MYH7B: variants seen among roughly 807,000 people sequenced by gnomAD.
The protein encoded by MYH7B is myosin heavy chain 7B.
A neutral mutation model predicts 234.5 loss-of-function variants in MYH7B; 205 were observed. That is an observed-to-expected ratio of 0.87 (90% confidence interval 0.78 to 0.98). The LOEUF (loss-of-function observed/expected upper bound fraction) is 0.98, where lower values mean the gene tolerates loss of function less well. Among genes scored for constraint, MYH7B ranks in the 50% least tolerant of loss-of-function variants. MYH7B has a pLI of 0.00. For missense variants in MYH7B, 2,652 were observed against 2,633.4 expected (o/e 1.01, Z -0.15); for synonymous variants, 1,193 against 1,105.0 (o/e 1.08, Z -1.58).
At chr20:34,977,426 G>A (rs1021335644) in intron 3 of MYH7B, among the ~76,000 whole-genome samples, 11 of 151,868 alleles carry the variant, frequency 7.2e-5, no homozygotes, top group Non-Finnish European at 2.9e-5. Flanking sequence ...CCCTGTCCCC[G>A]TCAGTCTCTG....
chr20:34,996,122 G>A (rs77354522), intron 28 of MYH7B, among the ~76,000 whole-genome samples: 145 of 152,362 alleles, frequency 9.5e-4, no homozygotes, highest in Non-Finnish European at 1.8e-3. Context: ...TTTCTCACCA[G>A]GCCAGGTGTG....
intron 3 of MYH7B, among the ~76,000 whole-genome samples, chr20:34,975,853 C>T (rs1301143481): frequency 6.6e-6 from 1 of 152,130 alleles, no homozygotes; most frequent in Non-Finnish European, 1.5e-5. Flanking sequence ...GTAGCTGGGA[C>T]TACAGGCGCC....
chr20:34,994,152 G>T, exon 27 of MYH7B: 1 of 1,612,460 alleles, frequency 6.2e-7, no homozygotes, highest in South Asian at 1.1e-5. Context: ...CTAGGGATGC[G>T]CTGTTCACCA....
chr20:34,998,821 C>T lies in MYH7B; in HGVS notation c.4096C>T (p.Arg1366Trp), dbSNP rs746131334. 32 of 1,613,040 alleles carry T rather than the reference C, an allele frequency of 2.0e-5. No individual in the cohort carries two copies. Among genetic ancestry groups the T allele is most frequent in the Admixed American group, 5.0e-5 (3 of 60,004 alleles). The change falls in exon 35 of 45, where the codon CGG (arginine) becomes TGG (tryptophan). Residue 1366 changes from arginine to tryptophan, a missense_variant. Physicochemically the swap from Arg to Trp is moderately radical, Grantham distance 101 (BLOSUM62 -3). This residue lies in a region of MYH7B where 2,279 missense variants were observed against 2,211.4 expected (regional missense o/e 1.03). Coordinates refer to ENST00000262873, the Ensembl canonical transcript of MYH7B. The stretch of plus-strand genomic sequence containing the variant: ...GGCTGAGGCCCAGGCTGAGCTGCAG[C>T]GGCTGCTGTCCAAGGCCAATGCCGA...
rs989299313 is a variant in MYH7B, at chr20:34,994,279, C to T, written c.2578C>T (p.Arg860Trp). The change falls in exon 27 of 45, where the codon CGG becomes TGG. Residue 860 changes from arginine to tryptophan, a missense_variant. By Grantham distance (101) the Arg-to-Trp change is moderately radical. Transcript: ENST00000262873. ...GGCTGAGGAGGAGCTGGCGGCCCTGCGGGCAGAGCTGCGGGGGTTGCGAGG... is the reference window on the plus strand; with the variant it reads ...GGCTGAGGAGGAGCTGGCGGCCCTGTGGGCAGAGCTGCGGGGGTTGCGAGG... The T allele has an allele frequency of 8.1e-6, 13 of 1,612,662 alleles. No homozygotes were observed. The highest frequency in any genetic ancestry group is 4.5e-5 in the East Asian group (2 of 44,874).
At chr20:34,999,964 G>A (rs2082339453) in intron 38 of MYH7B, 58 bp downstream of exon 38, 2 of 1,464,424 alleles carry the variant, frequency 1.4e-6, no homozygotes, top group African/African-American at 1.4e-5. Context: ...GGGAAGCAGT[G>A]TGTACTCTGC....
At chr20:34,998,565 G>T in exon 34 of MYH7B, 1 of 1,613,686 alleles carries the variant, frequency 6.2e-7, no homozygotes, top group South Asian at 1.1e-5. Context: ...CAGCTGAGCC[G>T]TGGAAAGGCC....
chr20:34,981,125 C>A, intron 9 of MYH7B, 65 bp downstream of exon 9: 2 of 1,590,158 alleles, frequency 1.3e-6, no homozygotes, highest in South Asian at 1.1e-5. Context: ...AGGGCGGTAC[C>A]ACAGTCATTT....
At chr20:34,968,741 G>A (rs1475831230) in intron 2 of MYH7B, among the ~76,000 whole-genome samples, 3 of 152,232 alleles carry the variant, frequency 2.0e-5, no homozygotes, top group African/African-American at 7.2e-5. Context: ...TGTGCAGCAA[G>A]GGGCGTGTTA....
At chr20:34,992,128 G>A (rs1277917541) in intron 24 of MYH7B, among the ~76,000 whole-genome samples, 1 of 152,224 alleles carries the variant, frequency 6.6e-6, no homozygotes, top group Non-Finnish European at 1.5e-5. Flanking sequence ...GCTAACGCCT[G>A]TAATCCCAGC....
At chr20:34,971,695 C>G (rs1387290101) in intron 2 of MYH7B, among the ~76,000 whole-genome samples, 1 of 152,234 alleles carries the variant, frequency 6.6e-6, no homozygotes, top group Non-Finnish European at 1.5e-5. Flanking sequence ...ACCGGCCTCA[C>G]CCCTTCAGTG....
intron 2 of MYH7B, among the ~76,000 whole-genome samples, chr20:34,968,523 G>A (rs2081763420): frequency 6.6e-6 from 1 of 152,166 alleles, no homozygotes; most frequent in Non-Finnish European, 1.5e-5. Context: ...CATCCTCCAG[G>A]CTGGCCTCCC....
At chr20:34,995,711 G>A (rs896776944) in intron 28 of MYH7B, 133 bp downstream of exon 28, 2 of 1,386,842 alleles carry the variant, frequency 1.4e-6, no homozygotes, top group Middle Eastern at 2.5e-4. Flanking sequence ...CCTTTCCTGG[G>A]CCTCAGTTTC....
chr20:34,993,282 GT>G (rs1465431001), intron 25 of MYH7B, 51 bp from the exon 26 acceptor site: 5 of 1,613,886 alleles, frequency 3.1e-6, no homozygotes, highest in South Asian at 1.1e-5. Flanking sequence ...ACTGGGCAGG[GT>G]TCATGCGGAT....
Position 34,990,182 on chromosome 20 carries a change from G to A in MYH7B, c.1900+36G>A, listed in dbSNP as rs867085492. ...AGGGACAAGATCTCCACTCTGACAG[G>A]GGCCCACAGAGCGACATTCCCTGGA... is the stretch of plus-strand genomic sequence containing the variant. On this transcript the variant is annotated intron_variant, in intron 21 of 44. Coordinates refer to ENST00000262873, the Ensembl canonical transcript of MYH7B. 3 of 1,614,086 alleles carry A rather than the reference G, an allele frequency of 1.9e-6. 1 individual carries two copies. The highest frequency in any genetic ancestry group is 3.3e-4 in the Middle Eastern group (2 of 6,062).
At chr20:34,977,731 C>CGGGGGGGGGGGGGGGGGGGG in intron 4 of MYH7B, 51 bp downstream of exon 4, 1 of 146,974 alleles carries the variant, frequency 6.8e-6, no homozygotes, top group Non-Finnish European at 1.1e-5. Context: ...GGAGGGTGGG[C>CGGGGGGGGGGGGGGGGGGGG]GGGTGGGTGA....
exon 14 of MYH7B, chr20:34,986,104 C>T (rs763246752): frequency 6.3e-7 from 1 of 1,581,178 alleles, no homozygotes; most frequent in Non-Finnish European, 8.6e-7. Flanking sequence ...CCCCAGATCT[C>T]CTGGAGAAGT....
rs763812615 is a variant in MYH7B, at chr20:34,996,560, G to A, written c.3120+38G>A. On this transcript the variant is annotated intron_variant, in intron 29 of 44. Coordinates refer to ENST00000262873, the Ensembl canonical transcript of MYH7B. ...CACCCCGAGACTGGGTGGCGGGGCC[G>A]GGGTGCCGGCTGGCTTGGGCCATGG... The A allele has an allele frequency of 8.1e-6, 13 of 1,601,298 alleles. No homozygotes were observed. In the Admixed American group the frequency reaches 8.6e-5, roughly 11 times the overall value.
At chr20:34,977,951 C>T in exon 5 of MYH7B, 7 of 1,613,808 alleles carry the variant, frequency 4.3e-6, no homozygotes, top group East Asian at 2.2e-5. Flanking sequence ...TGCCTTGGGC[C>T]GCCTTGAACC....
Sources: allele counts gnomAD v4.1 joint callset (sites outside exome capture counted in the v4.1 genomes callset), GRCh38; gene constraint gnomAD v4.1.1; regional missense constraint gnomAD v4.1.1; transcripts MANE v1.5; gene names NCBI Gene and HGNC (gene_info 2026-07-23, HGNC 2026-07-21).